The following NRG1 variants were observed in gnomAD, a reference collection of about 807,000 sequenced individuals.
NRG1 encodes pro-neuregulin-1, membrane-bound isoform.
Under a neutral mutation model 63.8 loss-of-function variants are expected in NRG1, and 18 were observed. The observed-to-expected ratio is 0.28, with a 90% confidence interval of 0.19 to 0.42. NRG1 has a LOEUF of 0.42. NRG1 is among the 10% of genes least tolerant of loss of function. The pLI is 1.00. For synonymous variants in NRG1, 302 were observed against 301.3 expected (o/e 1.00, Z -0.02); for missense variants, 762 against 814.7 (o/e 0.94, Z 0.79).
intron 1 of NRG1, among the ~76,000 whole-genome samples, chr8:32,402,463 T>G (rs1813338305): frequency 6.6e-6 from 1 of 152,190 alleles, no homozygotes; most frequent in Non-Finnish European, 1.5e-5. Flanking sequence ...TTGCATGCCA[T>G]TCTGAGTAGC....
rs564735735 is a variant in NRG1, at chr8:31,976,041, C to T, written c.37+336610C>T. Among the ~76,000 whole-genome samples the T allele has an allele frequency of 2.6e-5, 4 of 152,182 alleles. No homozygotes were observed. In the East Asian group the frequency reaches 5.8e-4, roughly 22 times the overall value. On this transcript the variant is annotated intron_variant, in intron 1 of 10. Coordinates refer to the NRG1 transcript ENST00000519301. ...GGCTAAAAGACCCTTGGGAGCTTAC[C>T]TAGTGACTACAACAGAACTAGGAAT...
intron 6 of NRG1, among the ~76,000 whole-genome samples, chr8:32,731,930 C>A (rs1823767990): frequency 6.6e-6 from 1 of 152,222 alleles, no homozygotes; most frequent in Non-Finnish European, 1.5e-5. Flanking sequence ...ACACCACAAG[C>A]ATGGAAGTTT....
At chr8:32,720,812 G>A (rs928931902) in intron 5 of NRG1, among the ~76,000 whole-genome samples, 3 of 151,482 alleles carry the variant, frequency 2.0e-5, no homozygotes, top group Non-Finnish European at 2.9e-5. Flanking sequence ...GAAAAAAACA[G>A]AAAAAAAACA....
intron 5 of NRG1, among the ~76,000 whole-genome samples, chr8:32,636,666 A>G (rs1851394249): frequency 6.6e-6 from 1 of 152,212 alleles, no homozygotes; most frequent in Non-Finnish European, 1.5e-5. Flanking sequence ...GGATCGAAGT[A>G]TAGCATTAAG....
intron 3 of NRG1, among the ~76,000 whole-genome samples, chr8:32,609,818 C>T (rs373597245): frequency 2.0e-5 from 3 of 151,408 alleles, no homozygotes; most frequent in South Asian, 2.1e-4. Context: ...ATTCTAGACA[C>T]CCCCCACCAC....
At chr8:31,875,564 G>C (rs529841933) in intron 1 of NRG1, among the ~76,000 whole-genome samples, 1 of 152,286 alleles carries the variant, frequency 6.6e-6, no homozygotes, top group Non-Finnish European at 1.5e-5. Context: ...CATGCATCGA[G>C]GTGGCGGGCG....
chr8:32,025,969 G>C (rs899315323), intron 1 of NRG1, among the ~76,000 whole-genome samples: 1 of 147,414 alleles, frequency 6.8e-6, no homozygotes, highest in South Asian at 2.1e-4. Context: ...AAAAAGTGAA[G>C]ATATTGCCAC....
chr8:31,645,875 G>C (rs969088874), intron 1 of NRG1, among the ~76,000 whole-genome samples: 5 of 152,156 alleles, frequency 3.3e-5, no homozygotes, highest in African/African-American at 1.2e-4. Flanking sequence ...TTCTAACTCA[G>C]ACTTCTGTGT....
chr8:31,760,182 G>C (rs1489002195), intron 1 of NRG1, among the ~76,000 whole-genome samples: 1 of 152,060 alleles, frequency 6.6e-6, no homozygotes, highest in East Asian at 1.9e-4. Flanking sequence ...TATGGTTTTA[G>C]GTCTAAGGTT....
At chr8:32,620,476 C>T (rs1195648882) in intron 5 of NRG1, among the ~76,000 whole-genome samples, 4 of 150,868 alleles carry the variant, frequency 2.7e-5, no homozygotes, top group Admixed American at 1.3e-4. Flanking sequence ...ACTTCACAGC[C>T]CCCAAAGTTC....
chr8:32,719,950 A>C (rs1488171979), intron 5 of NRG1, among the ~76,000 whole-genome samples: 3 of 152,096 alleles, frequency 2.0e-5, no homozygotes, highest in Admixed American at 1.3e-4. Context: ...TTCTAATTTC[A>C]TCAAAGGTTG....
At chr8:32,387,387 A>G (rs778041097) in intron 1 of NRG1, among the ~76,000 whole-genome samples, 12 of 152,194 alleles carry the variant, frequency 7.9e-5, no homozygotes, top group Non-Finnish European at 1.8e-4. Context: ...CTAATGTATT[A>G]TTAAATAATG....
At chr8:32,364,663 T>A (rs954188133) in intron 1 of NRG1, among the ~76,000 whole-genome samples, 1 of 152,192 alleles carries the variant, frequency 6.6e-6, no homozygotes, top group Non-Finnish European at 1.5e-5. Context: ...TTTTCCTATA[T>A]GGGTTATTTA....
chr8:31,934,869 G>A (rs1189154747), intron 1 of NRG1, among the ~76,000 whole-genome samples: 1 of 152,054 alleles, frequency 6.6e-6, no homozygotes, highest in East Asian at 1.9e-4. Context: ...TTAAAATGCT[G>A]CCTGGCACAT....
intron 1 of NRG1, among the ~76,000 whole-genome samples, chr8:32,280,888 T>G (rs1213681821): frequency 6.7e-6 from 1 of 148,978 alleles, no homozygotes; most frequent in Non-Finnish European, 1.5e-5. Context: ...GCCTCCCGAG[T>G]AGCTGGGATT....
At chr8:31,748,865 G>A (rs540114175) in intron 1 of NRG1, among the ~76,000 whole-genome samples, 2 of 151,838 alleles carry the variant, frequency 1.3e-5, no homozygotes, top group Non-Finnish European at 2.9e-5. Context: ...ACAGTGATAC[G>A]GGAATCAATG....
intron 1 of NRG1, among the ~76,000 whole-genome samples, chr8:31,900,780 A>C (rs564305170): frequency 2.6e-5 from 4 of 152,214 alleles, no homozygotes; most frequent in African/African-American, 9.6e-5. Flanking sequence ...ATTTTTAATC[A>C]CTTTCTATAG....
intron 1 of NRG1, among the ~76,000 whole-genome samples, chr8:32,511,070 T>A (rs1389594602): frequency 2.0e-5 from 3 of 151,042 alleles, no homozygotes; most frequent in African/African-American, 7.3e-5. Context: ...CTCACCATGC[T>A]TATAGATTAG....
At chr8:32,306,719 AAGG>A (rs1856228000) in intron 1 of NRG1, among the ~76,000 whole-genome samples, 1 of 152,226 alleles carries the variant, frequency 6.6e-6, no homozygotes, top group African/African-American at 2.4e-5. Flanking sequence ...GTAATGGAGA[AAGG>A]AGGAGAAAGG....
Sources: allele counts gnomAD v4.1 joint callset (sites outside exome capture counted in the v4.1 genomes callset), GRCh38; gene constraint gnomAD v4.1.1; transcripts MANE v1.5; gene names NCBI Gene and HGNC (gene_info 2026-07-23, HGNC 2026-07-21).